UBAP1: variants seen among roughly 807,000 people sequenced by gnomAD.
UBAP1 encodes ubiquitin-associated protein 1.
UBAP1 carries 5 observed loss-of-function variants against 39.0 expected under a neutral mutation model. The ratio of observed to expected loss-of-function variants is 0.13; its 90% confidence interval spans 0.07 to 0.27. UBAP1 has a LOEUF of 0.27. Ranked by LOEUF, UBAP1 falls within the 10% of genes least tolerant of loss-of-function variation. UBAP1 has a pLI of 1.00. For synonymous variants in UBAP1, 211 were observed against 225.1 expected (o/e 0.94, Z 0.56); for missense variants, 490 against 608.1 (o/e 0.81, Z 2.04).
Position 34,228,752 on chromosome 9 carries a change from G to A in UBAP1, c.35-5464G>A, listed in dbSNP as rs995373047. Among the ~76,000 whole-genome samples, 7 of 95,402 alleles carry A rather than the reference G, an allele frequency of 7.3e-5. No individual in the cohort carries two copies. In the East Asian group the frequency reaches 9.7e-4, roughly 13 times the overall value. 62.6% of individuals were successfully genotyped at this position (95,402 alleles called of 152,430 possible). A position where few individuals can be genotyped will look rare whatever the true frequency, so the allele number is the denominator to read the frequency against. On this transcript the variant is annotated intron_variant, in intron 2 of 6. Coordinates refer to ENST00000297661, the MANE Select transcript of UBAP1 (RefSeq NM_016525.5). Reference sequence around the variant, plus strand: ...GCCTAGCTAATTTTTTTTTTTTTTTGTATTTTTAGTAGAGACGGGGGTTTC... The same window carrying A: ...GCCTAGCTAATTTTTTTTTTTTTTTATATTTTTAGTAGAGACGGGGGTTTC...
At chr9:34,214,508 G>A (rs1331489750) in intron 1 of UBAP1, among the ~76,000 whole-genome samples, 1 of 151,972 alleles carries the variant, frequency 6.6e-6, no homozygotes, top group Non-Finnish European at 1.5e-5. Flanking sequence ...GATAGATTAA[G>A]GACTTAACGA....
At chr9:34,188,547 G>A (rs1200665566) in intron 1 of UBAP1, among the ~76,000 whole-genome samples, 2 of 151,070 alleles carry the variant, frequency 1.3e-5, no homozygotes, top group Non-Finnish European at 2.9e-5. Context: ...GATTACAGAC[G>A]TGAGCCACCA....
intron 1 of UBAP1, among the ~76,000 whole-genome samples, chr9:34,183,831 C>T (rs1400488755): frequency 6.7e-6 from 1 of 149,182 alleles, no homozygotes; most frequent in East Asian, 2.0e-4. Flanking sequence ...AGTGCAATGG[C>T]GCCATCTCAG....
In UBAP1 at chr9:34,186,175, T is replaced by A. The variant is rs372909240; in HGVS notation, c.-8+6935T>A. Among the ~76,000 whole-genome samples, 11 of 152,332 alleles carry A rather than the reference T, an allele frequency of 7.2e-5. No homozygotes were observed. In the East Asian group the frequency reaches 2.1e-3, roughly 29 times the overall value. ...ATAGTGTAACTGGAATGATAAATAG[T>A]TCATTAAAATTTTAGTCACATTATG... On this transcript the variant is annotated intron_variant, in intron 1 of 6. Transcript: ENST00000297661.
intron 1 of UBAP1, among the ~76,000 whole-genome samples, chr9:34,182,195 T>TA (rs1563880449): frequency 1.0e-4 from 10 of 95,786 alleles, no homozygotes; most frequent in African/African-American, 3.3e-4. Context: ...TTTATTTATT[T>TA]ATTTATTGAG....
intron 1 of UBAP1, among the ~76,000 whole-genome samples, chr9:34,185,002 T>G (rs866595196): frequency 2.0e-5 from 3 of 146,686 alleles, no homozygotes; most frequent in African/African-American, 2.5e-5. Context: ...TGGTGTGATC[T>G]CGGCTCACTG....
chr9:34,235,214 T>A (rs1429362033), intron 3 of UBAP1, among the ~76,000 whole-genome samples: 2 of 152,138 alleles, frequency 1.3e-5, no homozygotes, highest in African/African-American at 2.4e-5. Flanking sequence ...GTTAAAAAAA[T>A]TTAATGTTTA....
chr9:34,231,304 C>T (rs1322807253), intron 2 of UBAP1, among the ~76,000 whole-genome samples: 52 of 151,942 alleles, frequency 3.4e-4, no homozygotes, highest in Admixed American at 3.4e-3. Flanking sequence ...TGGCTCACTG[C>T]AACTTCTGCC....
chr9:34,179,244 A>AGG lies in UBAP1; in HGVS notation c.-8+9_-8+10dup, dbSNP rs993261316. On this transcript the variant is annotated splice_donor_region_variant and intron_variant, in intron 1 of 6. Coordinates refer to ENST00000297661, the MANE Select transcript of UBAP1 (RefSeq NM_016525.5). Reference sequence around the variant, plus strand: ...CGGCGGCAGCAGCGGCATTCAGGTGAGGGGGGCCTCCCTCTGGGGGAGGGG... The same window carrying AGG: ...CGGCGGCAGCAGCGGCATTCAGGTGAGGGGGGGGCCTCCCTCTGGGGGAGGGG... 1 of 835,666 alleles carries AGG rather than the reference A, an allele frequency of 1.2e-6. No homozygotes were observed. The highest frequency in any genetic ancestry group is 1.4e-6 in the Non-Finnish European group (1 of 739,438). The allele number at this position is 835,666 out of a possible 1,614,324, so 51.8% of individuals were successfully genotyped here. A position where few individuals can be genotyped will look rare whatever the true frequency, so the allele number is the denominator to read the frequency against.
At chr9:34,224,633 C>T (rs7856567) in intron 2 of UBAP1, 121,954 of 361,762 alleles carry the variant, frequency 0.34, 22,556 homozygotes, top group East Asian at 0.68. Flanking sequence ...GCCCATTGCT[C>T]GGCGCTGGCT....
rs1418849985 is a variant in UBAP1, at chr9:34,209,471, A to G, written c.-7-11437A>G. ...TTTTTGCCTTTTGAGTGGTAATGCTATGTTATTTGGGGCAATTCAGTATTG... is the reference window on the plus strand; with the variant it reads ...TTTTTGCCTTTTGAGTGGTAATGCTGTGTTATTTGGGGCAATTCAGTATTG... On this transcript the variant is annotated intron_variant, in intron 1 of 6. Coordinates refer to ENST00000297661, the MANE Select transcript of UBAP1 (RefSeq NM_016525.5). 2.6e-5 allele frequency among the ~76,000 whole-genome samples: 4 copies of G among 152,174 alleles called. No homozygotes were observed. The East Asian group carries it at 7.7e-4, about 29-fold the overall frequency.
At chr9:34,194,317 C>T (rs1830899164) in intron 1 of UBAP1, among the ~76,000 whole-genome samples, 1 of 151,076 alleles carries the variant, frequency 6.6e-6, no homozygotes, top group Non-Finnish European at 1.5e-5. Context: ...AAAATTCTCT[C>T]TCTTTTTTTT....
rs369974042 is a variant in UBAP1 at position 34,234,250 on chromosome 9, G to A, written c.69G>A (p.Lys23=). ...GTTACCTTGATGATGTCCCATTTAA[G>A]ACAGGAGACAAATTCAAAACACCAG... ...TFSYLDDVPF[K]TGDKFKTPAK... Residue 23 remains lysine, a synonymous_variant, in exon 3 of 7, where the codon AAG becomes AAA. Coordinates refer to ENST00000297661, the MANE Select transcript of UBAP1 (RefSeq NM_016525.5). 12 of 1,612,498 alleles carry A rather than the reference G, an allele frequency of 7.4e-6. No homozygotes were observed. The African/African-American group carries it at 1.2e-4, about 16-fold the overall frequency.
rs1471636011 is a variant in UBAP1, at chr9:34,251,589, A to G, written c.*57A>G. The G allele has an allele frequency of 1.9e-6, 3 of 1,580,124 alleles. No homozygotes were observed. Among genetic ancestry groups the G allele is most frequent in the Non-Finnish European group, 2.6e-6 (3 of 1,164,738 alleles). On this transcript the variant is annotated 3_prime_UTR_variant, in exon 7 of 7. Transcript: ENST00000297661. ...CCACCATCCCTGGGAGGCCCTGCAG[A>G]GCCCACCTGTGGGGAAAGAGAAGGG...
At chr9:34,249,662 A>G in intron 4 of UBAP1, 117 bp from the exon 5 acceptor site, 1 of 973,058 alleles carries the variant, frequency 1.0e-6, no homozygotes. Flanking sequence ...TTCCAACCTG[A>G]CCGCTTTTCT....
At chr9:34,206,802 T>C (rs1366428601) in intron 1 of UBAP1, among the ~76,000 whole-genome samples, 1 of 151,988 alleles carries the variant, frequency 6.6e-6, no homozygotes, top group Non-Finnish European at 1.5e-5. Context: ...CATCGGATTC[T>C]GCTTTTTTCT....
intron 1 of UBAP1, among the ~76,000 whole-genome samples, chr9:34,197,868 C>T (rs1179431544): frequency 6.6e-6 from 1 of 152,184 alleles, no homozygotes; most frequent in Non-Finnish European, 1.5e-5. Flanking sequence ...TCTTAATGAT[C>T]TTTTTGTCCT....
chr9:34,207,428 C>G (rs957331084), intron 1 of UBAP1, among the ~76,000 whole-genome samples: 33 of 150,624 alleles, frequency 2.2e-4, no homozygotes, highest in Admixed American at 1.3e-3. Context: ...CATGGTACTT[C>G]AGTTTTCATT....
intron 2 of UBAP1, among the ~76,000 whole-genome samples, chr9:34,221,466 C>T (rs1832755240): frequency 6.7e-6 from 1 of 150,046 alleles, no homozygotes; most frequent in Non-Finnish European, 1.5e-5. Flanking sequence ...GGAGGCGGAG[C>T]TTGCAGTGAG....
Sources: allele counts gnomAD v4.1 joint callset (sites outside exome capture counted in the v4.1 genomes callset), GRCh38; gene constraint gnomAD v4.1.1; transcripts MANE v1.5; gene names NCBI Gene and HGNC (gene_info 2026-07-23, HGNC 2026-07-21).